NKAIN3: variants seen among roughly 807,000 people sequenced by gnomAD.
The protein encoded by NKAIN3 is sodium/potassium transporting ATPase interacting 3.
A neutral mutation model predicts 30.2 loss-of-function variants in NKAIN3; 25 were observed. The ratio of observed to expected loss-of-function variants is 0.83; its 90% CI spans 0.60 to 1.16. NKAIN3 has a LOEUF of 1.16. NKAIN3 is among the 50% of genes most tolerant of loss of function. The pLI is 0.00. For synonymous variants in NKAIN3, 91 were observed against 89.6 expected, an observed-to-expected ratio of 1.02 and a Z score of -0.09; for missense variants, 225 against 254.1, an observed-to-expected ratio of 0.89 and a Z score of 0.78.
intron 1 of NKAIN3, among the ~76,000 whole-genome samples, chr8:62,343,505 C>T (rs1815822008): frequency 6.6e-6 from 1 of 151,838 alleles, no homozygotes; most frequent in Admixed American, 6.6e-5. Context: ...AACATTTAAA[C>T]AAGTGTTTAA....
At chr8:62,503,342 A>T (rs1290727243) in intron 1 of NKAIN3, among the ~76,000 whole-genome samples, 1 of 152,186 alleles carries the variant, frequency 6.6e-6, no homozygotes, top group East Asian at 1.9e-4. Context: ...ACATGCTTCA[A>T]GGGGCAAAAG....
chr8:62,346,279 CT>C (rs770974964), intron 1 of NKAIN3, among the ~76,000 whole-genome samples: 4 of 152,052 alleles, frequency 2.6e-5, no homozygotes, highest in South Asian at 2.1e-4. Context: ...TCAATTACCC[CT>C]ATTTGAACAT....
At chr8:62,886,350 C>T (rs1821147337) in intron 4 of NKAIN3, among the ~76,000 whole-genome samples, 1 of 151,942 alleles carries the variant, frequency 6.6e-6, no homozygotes, top group Non-Finnish European at 1.5e-5. Context: ...CATATGTAAA[C>T]ATATATAATC....
At chr8:62,634,487 G>C (rs1460314020) in intron 3 of NKAIN3, among the ~76,000 whole-genome samples, 1 of 152,160 alleles carries the variant, frequency 6.6e-6, no homozygotes, top group Non-Finnish European at 1.5e-5. Context: ...GGCAATACTT[G>C]TTCGTCTCAG....
chr8:62,785,005 T>C (rs1817469091), intron 4 of NKAIN3, among the ~76,000 whole-genome samples: 1 of 152,182 alleles, frequency 6.6e-6, no homozygotes, highest in Non-Finnish European at 1.5e-5. Context: ...CATCCACTGC[T>C]GGTTCGAAAT....
chr8:62,847,158 G>GT (rs1487336635), intron 4 of NKAIN3, among the ~76,000 whole-genome samples: 1 of 152,130 alleles, frequency 6.6e-6, no homozygotes, highest in African/African-American at 2.4e-5. Flanking sequence ...ACACACGCAT[G>GT]TATCTTTATA....
chr8:62,750,380 A>G (rs1003958145), intron 4 of NKAIN3, among the ~76,000 whole-genome samples: 6 of 152,088 alleles, frequency 3.9e-5, no homozygotes, highest in Non-Finnish European at 5.9e-5. Flanking sequence ...TGGAACTGGA[A>G]GAAAAGTCAC....
At chr8:62,523,064 C>T (rs1487539667) in intron 1 of NKAIN3, among the ~76,000 whole-genome samples, 1 of 152,166 alleles carries the variant, frequency 6.6e-6, no homozygotes, top group African/African-American at 2.4e-5. Flanking sequence ...GTCCTGCAAG[C>T]TCCACTCATG....
At chr8:62,990,028 A>G (rs1400891969) in intron 5 of NKAIN3, 4 of 528,820 alleles carry the variant, frequency 7.6e-6, no homozygotes, top group Non-Finnish European at 1.4e-5. Flanking sequence ...TATCTGCTCA[A>G]TGAATGTTTA....
At chr8:62,943,738 A>ATATATT (rs1823040865) in intron 5 of NKAIN3, among the ~76,000 whole-genome samples, 1 of 147,610 alleles carries the variant, frequency 6.8e-6, no homozygotes. Flanking sequence ...GTATATATTT[A>ATATATT]TATATTTATA....
chr8:62,534,782 T>G (rs2129858761), intron 1 of NKAIN3, among the ~76,000 whole-genome samples: 1 of 152,240 alleles, frequency 6.6e-6, no homozygotes, highest in Non-Finnish European at 1.5e-5. Flanking sequence ...AGACCTCTAC[T>G]TCTCCATATG....
chr8:62,761,389 A>T (rs1234682833), intron 4 of NKAIN3, among the ~76,000 whole-genome samples: 2 of 152,148 alleles, frequency 1.3e-5, no homozygotes, highest in African/African-American at 4.8e-5. Flanking sequence ...TCACACTTAG[A>T]GTATGCGAAT....
At chr8:62,677,791 C>T (rs1266898022) in intron 3 of NKAIN3, among the ~76,000 whole-genome samples, 1 of 152,166 alleles carries the variant, frequency 6.6e-6, no homozygotes, top group Non-Finnish European at 1.5e-5. Context: ...AATGACCCAC[C>T]TGTGCATCTC....
intron 4 of NKAIN3, among the ~76,000 whole-genome samples, chr8:62,829,592 A>G (rs1345540374): frequency 6.6e-6 from 1 of 152,216 alleles, no homozygotes. Flanking sequence ...ATTGCCGAAA[A>G]TAGATATGAC....
At chr8:62,829,908 A>G (rs957521365) in intron 4 of NKAIN3, among the ~76,000 whole-genome samples, 12 of 152,170 alleles carry the variant, frequency 7.9e-5, no homozygotes, top group Non-Finnish European at 1.6e-4. Context: ...TCCCAAAATG[A>G]AAGAGAGAAA....
chr8:62,669,891 G>T (rs555483626), intron 3 of NKAIN3, among the ~76,000 whole-genome samples: 1 of 152,274 alleles, frequency 6.6e-6, no homozygotes, highest in African/African-American at 2.4e-5. Flanking sequence ...CTACTGACTG[G>T]AGAGTCACTT....
At chr8:62,635,946 T>C (rs1397907996) in intron 3 of NKAIN3, among the ~76,000 whole-genome samples, 1 of 152,102 alleles carries the variant, frequency 6.6e-6, no homozygotes, top group Non-Finnish European at 1.5e-5. Flanking sequence ...AGACAAAATA[T>C]CTGAGTGGTG....
At chr8:62,736,214 C>T (rs962425885) in intron 3 of NKAIN3, among the ~76,000 whole-genome samples, 3 of 152,182 alleles carry the variant, frequency 2.0e-5, no homozygotes, top group Non-Finnish European at 4.4e-5. Flanking sequence ...ATAAGTTTCT[C>T]AGGTAGTGGG....
At chr8:62,487,287 C>A (rs1403883324) in intron 1 of NKAIN3, among the ~76,000 whole-genome samples, 1 of 152,128 alleles carries the variant, frequency 6.6e-6, no homozygotes, top group East Asian at 1.9e-4. Context: ...TGCTAAGAAA[C>A]TGAGAGGATT....
Sources: gnomAD v4.1 joint callset for allele counts (sites outside exome capture counted in the v4.1 genomes callset) on GRCh38, gnomAD v4.1.1 for gene constraint, MANE v1.5 for transcripts, NCBI Gene and HGNC (gene_info 2026-07-23, HGNC 2026-07-21) for gene names.